NTRK2: variants seen among roughly 807,000 people sequenced by gnomAD.
NTRK2 encodes the protein neurotrophic receptor tyrosine kinase 2.
NTRK2 carries 13 observed loss-of-function variants against 94.5 expected under a neutral mutation model. The observed-to-expected ratio is 0.14, with a 90% confidence interval of 0.09 to 0.22. The LOEUF is 0.22. Among genes scored for constraint, NTRK2 ranks in the 10% least tolerant of loss-of-function variants. NTRK2 has a pLI of 1.00. For synonymous variants in NTRK2, 372 were observed against 407.4 expected, an observed-to-expected ratio of 0.91 and a Z score of 1.05; for missense variants, 639 against 1,071.2, an observed-to-expected ratio of 0.60 and a Z score of 5.63.
chr9:84,710,664 C>T lies in NTRK2; in HGVS notation c.456C>T (p.Cys152=), dbSNP rs1201811726. 2.5e-6 allele frequency: 4 copies of T among 1,614,012 alleles called. No homozygotes were observed. The African/African-American group carries it at 5.3e-5, about 22-fold the overall frequency. ...ELILVGNPFT[C]SCDIMWIKTL... is the part of the protein sequence containing the mutation. ...TCCTGGTGGGCAATCCATTTACATG[C>T]TCCTGTGACATTATGTGGATCAAGA... Residue 152 remains cysteine (C), a synonymous_variant, in exon 6 of 19, where the codon TGC becomes TGT. Coordinates refer to ENST00000277120, the MANE Select transcript of NTRK2 (RefSeq NM_006180.6).
intron 14 of NTRK2, chr9:84,874,995 T>C: frequency 9.5e-7 from 1 of 1,055,564 alleles, no homozygotes. Flanking sequence ...GAATAAATAA[T>C]GTAGATTTAG....
intron 17 of NTRK2, among the ~76,000 whole-genome samples, chr9:84,973,705 G>A (rs1030580808): frequency 2.0e-5 from 3 of 152,172 alleles, no homozygotes; most frequent in East Asian, 3.9e-4. Flanking sequence ...GGGCCTTTGT[G>A]TCTGGGCCTC....
intron 17 of NTRK2, among the ~76,000 whole-genome samples, chr9:84,989,462 C>T (rs1828776044): frequency 6.6e-6 from 1 of 152,144 alleles, no homozygotes; most frequent in South Asian, 2.1e-4. Flanking sequence ...AATAATAAGC[C>T]ATTGAAAATG....
chr9:84,797,713 AATATATATAT>A (rs2069662667), intron 12 of NTRK2, among the ~76,000 whole-genome samples: 2 of 74,068 alleles, frequency 2.7e-5, no homozygotes, highest in Non-Finnish European at 4.8e-5. Flanking sequence ...ATACTATAAT[AATATATATAT>A]TATATATTAT....
intron 17 of NTRK2, among the ~76,000 whole-genome samples, chr9:84,993,764 A>G (rs1829389063): frequency 6.6e-6 from 1 of 152,134 alleles, no homozygotes; most frequent in Non-Finnish European, 1.5e-5. Context: ...CTCTAGCTAT[A>G]CTGGACTTCT....
rs182670599 is a variant in NTRK2, at chr9:84,885,875, T to C, written c.1633+18444T>C. 9.9e-4 allele frequency among the ~76,000 whole-genome samples: 151 copies of C among 151,930 alleles called. 1 individual carries two copies. Among genetic ancestry groups the C allele is most frequent in the African/African-American group, 3.5e-3 (145 of 41,436 alleles). ...GGTGAAACCCCCTCTCTACTAAAAA[T>C]ACAAAAATTAGCCTGGTGTGGTGGC... is the stretch of plus-strand genomic sequence containing the variant. On this transcript the variant is annotated intron_variant, in intron 14 of 18. Coordinates refer to ENST00000277120, the MANE Select transcript of NTRK2 (RefSeq NM_006180.6).
chr9:84,979,054 A>G (rs140546748), intron 17 of NTRK2, among the ~76,000 whole-genome samples: 5 of 152,358 alleles, frequency 3.3e-5, no homozygotes, highest in Non-Finnish European at 7.3e-5. Context: ...GATGGGATGT[A>G]CAAGGAGATT....
intron 12 of NTRK2, among the ~76,000 whole-genome samples, chr9:84,784,221 A>G (rs941227103): frequency 2.6e-5 from 4 of 152,202 alleles, no homozygotes; most frequent in African/African-American, 9.7e-5. Flanking sequence ...TTTTAAATTG[A>G]GAAATAATAA....
rs777522669 is a variant in NTRK2 at position 84,724,373 on chromosome 9, G to C, written c.853+17G>C. 1 of 1,614,022 alleles carries C rather than the reference G, an allele frequency of 6.2e-7. No homozygotes were observed. Among genetic ancestry groups the C allele is most frequent in the Admixed American group, 1.7e-5 (1 of 60,016 alleles). The stretch of plus-strand genomic sequence containing the variant: ...CTGTGCATTGTACGTAATCAGACTG[G>C]CATGTGTTTTTAATAGCAAATGATC... On this transcript the variant is annotated intron_variant, in intron 8 of 18. Transcript: ENST00000277120.
At chr9:84,696,685 A>C (rs1256781971) in intron 2 of NTRK2, among the ~76,000 whole-genome samples, 2 of 152,232 alleles carry the variant, frequency 1.3e-5, no homozygotes, top group East Asian at 3.8e-4. Flanking sequence ...CTAATTCTTA[A>C]TTGCAAACTT....
chr9:84,949,966 G>A (rs1385171544), intron 16 of NTRK2, among the ~76,000 whole-genome samples: 4 of 152,202 alleles, frequency 2.6e-5, no homozygotes, highest in African/African-American at 7.2e-5. Context: ...AGGAGACCAT[G>A]CTGCGTGATG....
intron 14 of NTRK2, among the ~76,000 whole-genome samples, chr9:84,923,194 C>T (rs2077625237): frequency 6.6e-6 from 1 of 152,134 alleles, no homozygotes. Flanking sequence ...TGCCCACCAG[C>T]CTCTTAATAG....
intron 6 of NTRK2, among the ~76,000 whole-genome samples, chr9:84,712,088 C>A (rs553510908): frequency 5.3e-5 from 8 of 152,228 alleles, no homozygotes; most frequent in African/African-American, 1.9e-4. Context: ...TTGGCCAGCT[C>A]CCAAATCCCC....
chr9:84,721,053 G>A (rs1485503957), intron 6 of NTRK2, among the ~76,000 whole-genome samples: 1 of 152,110 alleles, frequency 6.6e-6, no homozygotes, highest in African/African-American at 2.4e-5. Flanking sequence ...CTTTCATAGT[G>A]GTACATATAA....
At chr9:84,800,493 G>A (rs772926438) in intron 12 of NTRK2, among the ~76,000 whole-genome samples, 19 of 152,204 alleles carry the variant, frequency 1.2e-4, no homozygotes, top group Non-Finnish European at 2.6e-4. Context: ...GGGCCACCGT[G>A]CCTGGCCAAG....
intron 12 of NTRK2, chr9:84,813,079 A>G: frequency 9.6e-7 from 1 of 1,039,618 alleles, no homozygotes; most frequent in Non-Finnish European, 1.2e-6. Context: ...GAGCTTCCTA[A>G]TGCATGTGTT....
intron 14 of NTRK2, among the ~76,000 whole-genome samples, chr9:84,895,340 C>T (rs971332341): frequency 2.0e-5 from 3 of 152,150 alleles, no homozygotes; most frequent in African/African-American, 7.2e-5. Flanking sequence ...ACAGAAGCAG[C>T]CTTTCATAAA....
intron 13 of NTRK2, among the ~76,000 whole-genome samples, chr9:84,861,528 C>A (rs2075338688): frequency 6.6e-6 from 1 of 152,168 alleles, no homozygotes; most frequent in Non-Finnish European, 1.5e-5. Flanking sequence ...TATGACCATT[C>A]CTCTTTCAAA....
chr9:85,020,405 A>G (rs1832680004), intron 18 of NTRK2, 41 bp downstream of exon 18: 1 of 1,608,988 alleles, frequency 6.2e-7, no homozygotes, highest in African/African-American at 1.3e-5. Flanking sequence ...GAGGGCTGAG[A>G]TCCCAGAGGC....
Sources: gnomAD v4.1 joint callset for allele counts (sites outside exome capture counted in the v4.1 genomes callset) on GRCh38, gnomAD v4.1.1 for gene constraint, MANE v1.5 for transcripts, NCBI Gene and HGNC (gene_info 2026-07-23, HGNC 2026-07-21) for gene names.